Variants in PHKG2 observed in about 807,000 individuals in gnomAD.
PHKG2 encodes the protein phosphorylase b kinase gamma catalytic chain, liver/testis isoform.
PHKG2 carries 28 observed loss-of-function variants against 44.5 expected under a neutral mutation model. That is an observed-to-expected ratio of 0.63 (90% confidence interval 0.47 to 0.86). The LOEUF (loss-of-function observed/expected upper bound fraction) is 0.86, where lower values mean the gene tolerates loss of function less well. PHKG2 is among the 40% of genes least tolerant of loss of function. The pLI, the probability that PHKG2 is intolerant of heterozygous loss-of-function variation, is 0.00. For missense variants in PHKG2, 498 were observed against 547.5 expected (o/e 0.91, Z 0.90); for synonymous variants, 220 against 211.2 (o/e 1.04, Z -0.36).
intron 6 of PHKG2, among the ~76,000 whole-genome samples, chr16:30,754,350 G>A (rs1349586289): frequency 1.3e-5 from 2 of 152,014 alleles, no homozygotes; most frequent in Non-Finnish European, 1.5e-5. Flanking sequence ...ATTTTTAGTA[G>A]AGATGGAATT....
chr16:30,761,025 C>T lies in PHKG2; in HGVS notation c.*3928C>T, dbSNP rs1226401519. The T allele has an allele frequency of 4.5e-5, 31 of 683,114 alleles. No homozygotes were observed. Among genetic ancestry groups the T allele is most frequent in the Non-Finnish European group, 6.1e-5 (25 of 407,220 alleles). 42.3% of individuals were successfully genotyped at this position (683,114 alleles called of 1,614,324 possible). On this transcript the variant is annotated 3_prime_UTR_variant, in exon 10 of 10. Transcript: ENST00000563588. ...TTTGGCTCTTTTTTTCTCACACTGCCTCCTCTTTGGACTGGAGAGGCTGGA... is the reference window on the plus strand; with the variant it reads ...TTTGGCTCTTTTTTTCTCACACTGCTTCCTCTTTGGACTGGAGAGGCTGGA...
In PHKG2 at chr16:30,760,150, C is replaced by T. The variant is rs2053653093; in HGVS notation, c.*3053C>T. ...AAGCAGTGGATTGGAAAGCTGATGG[C>T]TTGTGTATGATGATGCTACTAATAA... On this transcript the variant is annotated 3_prime_UTR_variant, in exon 10 of 10. Transcript: ENST00000563588. 3.8e-6 allele frequency: 6 copies of T among 1,577,130 alleles called. No individual in the cohort carries two copies. In the East Asian group the frequency reaches 1.2e-4, roughly 31 times the overall value.
In PHKG2 at chr16:30,761,120, C is replaced by G; in HGVS notation, c.*4023C>G. The G allele has an allele frequency of 6.5e-7, 1 of 1,528,846 alleles. No individual in the cohort carries two copies. Among genetic ancestry groups the G allele is most frequent in the Non-Finnish European group, 9.0e-7 (1 of 1,114,162 alleles). 94.7% of individuals were successfully genotyped at this position (1,528,846 alleles called of 1,614,324 possible). A position where few individuals can be genotyped will look rare whatever the true frequency, so the allele number is the denominator to read the frequency against. ...AGTCTCATCTGTAAAATGGGGATGC[C>G]CTGGCCACAGACAGGACTGTTGGGG... On this transcript the variant is annotated 3_prime_UTR_variant, in exon 10 of 10. Coordinates refer to ENST00000563588, the MANE Select transcript of PHKG2 (RefSeq NM_000294.3).
At chr16:30,753,318 C>T (rs749420596) in intron 5 of PHKG2, 21 bp downstream of exon 5, 3 of 1,613,858 alleles carry the variant, frequency 1.9e-6, no homozygotes, top group Non-Finnish European at 2.5e-6. Context: ...AGCCTGAAGC[C>T]CCAGGGGTGA....
chr16:30,752,798 A>ATT, intron 4 of PHKG2: 1 of 306,788 alleles, frequency 3.3e-6, no homozygotes, highest in Non-Finnish European at 6.3e-6. Context: ...TATAACCTCA[A>ATT]TTTTGAAAGT....
At position 30,751,580 on chromosome 16, in the gene PHKG2, C is replaced by T. The variant is rs1306228509; in HGVS notation, c.303C>T (p.Ser101=). The change falls in exon 4 of 10, where the codon AGC becomes AGT. Residue 101 remains serine, a synonymous_variant. Coordinates refer to ENST00000563588, the MANE Select transcript of PHKG2 (RefSeq NM_000294.3). ...ITLIDSYESS[S]FMFLVFDLMR... is the part of the protein sequence containing the mutation. Reference sequence around the variant, plus strand: ...TCATCGATTCCTACGAGTCTTCTAGCTTCATGTTCCTGGTGTTTGACCTGT... The same window carrying T: ...TCATCGATTCCTACGAGTCTTCTAGTTTCATGTTCCTGGTGTTTGACCTGT... The T allele has an allele frequency of 3.1e-6, 5 of 1,613,726 alleles. No homozygotes were observed. The Admixed American group carries it at 6.7e-5, about 22-fold the overall frequency.
rs745768787 is a variant in PHKG2, at chr16:30,759,821, G to C, written c.*2724G>C. 10 of 1,504,250 alleles carry C rather than the reference G, an allele frequency of 6.6e-6. No individual in the cohort carries two copies. In the East Asian group the frequency reaches 2.3e-4, roughly 35 times the overall value. The allele number at this position is 1,504,250 out of a possible 1,614,324, so 93.2% of individuals were successfully genotyped here. A position where few individuals can be genotyped will look rare whatever the true frequency, so the allele number is the denominator to read the frequency against. ...TTTATGACCATGAGCTTCAGAAGCA[G>C]ACAGATCTGGGTTTCAGCACTGGCT... On this transcript the variant is annotated 3_prime_UTR_variant, in exon 10 of 10. Coordinates refer to ENST00000563588, the MANE Select transcript of PHKG2 (RefSeq NM_000294.3).
In PHKG2 at chr16:30,759,227, CAA is replaced by C; in HGVS notation, c.*2132_*2133del. 6.2e-7 allele frequency: 1 copy of C among 1,614,158 alleles called. No individual in the cohort carries two copies. Among genetic ancestry groups the C allele is most frequent in the Non-Finnish European group, 8.5e-7 (1 of 1,180,036 alleles). ...TGGGTGGCTGTAGCCCCATGTAAGT[CAA>C]AGACAGATCCAGCCGCACCTGGGAA... On this transcript the variant is annotated 3_prime_UTR_variant, in exon 10 of 10. Coordinates refer to ENST00000563588, the MANE Select transcript of PHKG2 (RefSeq NM_000294.3).
In PHKG2 at chr16:30,761,121, C is replaced by T. The variant is rs1175507962; in HGVS notation, c.*4024C>T. Reference sequence around the variant, plus strand: ...GTCTCATCTGTAAAATGGGGATGCCCTGGCCACAGACAGGACTGTTGGGGA... The same window carrying T: ...GTCTCATCTGTAAAATGGGGATGCCTTGGCCACAGACAGGACTGTTGGGGA... On this transcript the variant is annotated 3_prime_UTR_variant, in exon 10 of 10. Transcript: ENST00000563588. The T allele has an allele frequency of 3.3e-6, 5 of 1,534,164 alleles. No individual in the cohort carries two copies. Among genetic ancestry groups the T allele is most frequent in the Non-Finnish European group, 3.6e-6 (4 of 1,118,468 alleles).
chr16:30,749,058 G>GCTGC (rs2053297559), intron 2 of PHKG2, 143 bp downstream of exon 2: 1 of 195,420 alleles, frequency 5.1e-6, no homozygotes. Flanking sequence ...GGTGGTGGTG[G>GCTGC]TGGTGGTGGT....
In PHKG2 at chr16:30,756,872, C is replaced by G. The variant is rs771505836; in HGVS notation, c.996C>G (p.Thr332=). ...ALSTHRVRPL[T]KNALLRDPYA... is the part of the protein sequence containing the mutation. ...GCACCCATCGTGTACGGCCACTGAC[C>G]AAGAATGCACTGTTGAGGGACCCTT... The change falls in exon 10 of 10, where the codon ACC becomes ACG. Residue 332 remains threonine (T), a synonymous_variant. Coordinates refer to ENST00000563588, the MANE Select transcript of PHKG2 (RefSeq NM_000294.3). The G allele has an allele frequency of 1.2e-6, 2 of 1,614,146 alleles. No homozygotes were observed. Among genetic ancestry groups the G allele is most frequent in the Admixed American group, 3.3e-5 (2 of 60,024 alleles).
intron 6 of PHKG2, among the ~76,000 whole-genome samples, chr16:30,755,580 G>A (rs1307126084): frequency 1.3e-5 from 2 of 152,072 alleles, no homozygotes; most frequent in Non-Finnish European, 2.9e-5. Flanking sequence ...GGAGACTGAG[G>A]CAGGAGAATC....
chr16:30,749,204 GGTGT>G (rs147345160), intron 2 of PHKG2, among the ~76,000 whole-genome samples: 35 of 91,950 alleles, frequency 3.8e-4, no homozygotes, highest in Non-Finnish European at 6.4e-4. Flanking sequence ...TGCTGGTGGT[GGTGT>G]GTGTGTGTGT....
Position 30,760,661 on chromosome 16 carries a change from G to A in PHKG2, c.*3564G>A, listed in dbSNP as rs1295467641. 6.5e-7 allele frequency: 1 copy of A among 1,546,244 alleles called. No homozygotes were observed. Among genetic ancestry groups the A allele is most frequent in the Non-Finnish European group, 8.7e-7 (1 of 1,146,988 alleles). ...AGCTGGTGCATGGAATGGACGTCCAGGTACTTCCTGTTATAGTAAAAGAAA... is the reference window on the plus strand; with the variant it reads ...AGCTGGTGCATGGAATGGACGTCCAAGTACTTCCTGTTATAGTAAAAGAAA... On this transcript the variant is annotated 3_prime_UTR_variant, in exon 10 of 10. Coordinates refer to ENST00000563588, the MANE Select transcript of PHKG2 (RefSeq NM_000294.3).
rs1291463906 is a variant in PHKG2, at chr16:30,759,637, G to A, written c.*2540G>A. The A allele has an allele frequency of 6.8e-6, 11 of 1,613,938 alleles. No individual in the cohort carries two copies. Among genetic ancestry groups the A allele is most frequent in the Non-Finnish European group, 9.3e-6 (11 of 1,180,038 alleles). On this transcript the variant is annotated 3_prime_UTR_variant, in exon 10 of 10. Coordinates refer to ENST00000563588, the MANE Select transcript of PHKG2 (RefSeq NM_000294.3). ...TGGGGATGGGTAAAGTTTCCAGAAT[G>A]TTCCAGGGGAACTGACCCTGACTCC... is the stretch of plus-strand genomic sequence containing the variant.
chr16:30,757,577 C>T lies in PHKG2; in HGVS notation c.*480C>T. On this transcript the variant is annotated 3_prime_UTR_variant, in exon 10 of 10. Transcript: ENST00000563588. ...CTTTCCTCGCTGGCCTTGAGCCGCTCCTCCACCAGCCCCTGGAGCTGCTCC... is the reference window on the plus strand; with the variant it reads ...CTTTCCTCGCTGGCCTTGAGCCGCTTCTCCACCAGCCCCTGGAGCTGCTCC... 1.9e-6 allele frequency: 3 copies of T among 1,614,198 alleles called. No individual in the cohort carries two copies. Among genetic ancestry groups the T allele is most frequent in the South Asian group, 1.1e-5 (1 of 91,084 alleles).
At chr16:30,748,631 G>A (rs1397125609) in intron 1 of PHKG2, 141 bp downstream of exon 1, 60 of 403,018 alleles carry the variant, frequency 1.5e-4, no homozygotes, top group Admixed American at 6.3e-4. Flanking sequence ...CCATCCTCCC[G>A]CCCCCAGGCT....
In PHKG2 at chr16:30,756,233, T is replaced by C. The variant is rs192866993; in HGVS notation, c.608T>C (p.Met203Thr). Residue 203 changes from methionine (M) to threonine (T), a missense_variant, in exon 7 of 10, where the codon ATG (methionine) becomes ACG (threonine). Coordinates refer to ENST00000563588, the MANE Select transcript of PHKG2 (RefSeq NM_000294.3). Reference protein sequence around the residue: ...YLAPEILKCSMDETHPGYGKE... With the variant: ...YLAPEILKCSTDETHPGYGKE... ...GCGCCAGAGATCCTTAAATGCTCCA[T>C]GGATGAAACCCACCCAGGCTATGGC... The C allele has an allele frequency of 2.1e-5, 34 of 1,614,144 alleles. No homozygotes were observed. Among genetic ancestry groups the C allele is most frequent in the Middle Eastern group, 1.6e-4 (1 of 6,062 alleles).
At chr16:30,752,730 T>C in intron 4 of PHKG2, 1 of 237,770 alleles carries the variant, frequency 4.2e-6, no homozygotes, top group Non-Finnish European at 8.3e-6. Context: ...GCAGAGTGCC[T>C]ACACTCCCCA....
Sources: gnomAD v4.1 joint callset for allele counts (sites outside exome capture counted in the v4.1 genomes callset) on GRCh38, gnomAD v4.1.1 for gene constraint, MANE v1.5 for transcripts, NCBI Gene and HGNC (gene_info 2026-07-23, HGNC 2026-07-21) for gene names.